The following SLC25A48 variants were observed in gnomAD, a reference collection of about 807,000 sequenced individuals.
The protein encoded by SLC25A48 is CTC-321K16.1.
Under a neutral mutation model 32.2 loss-of-function variants are expected in SLC25A48, and 29 were observed. The observed-to-expected ratio is 0.90, with a 90% confidence interval of 0.67 to 1.23. SLC25A48 has a LOEUF of 1.23. Ranked by LOEUF, SLC25A48 falls within the 50% of genes most tolerant of loss-of-function variation. The pLI is 0.00. For missense variants in SLC25A48, 399 were observed against 422.7 expected, an observed-to-expected ratio of 0.94 and a Z score of 0.49; for synonymous variants, 164 against 172.3, an observed-to-expected ratio of 0.95 and a Z score of 0.38.
intron 3 of SLC25A48, among the ~76,000 whole-genome samples, chr5:135,675,299 C>T (rs1035388169): frequency 9.9e-5 from 15 of 152,050 alleles, no homozygotes; most frequent in African/African-American, 3.4e-4. Flanking sequence ...CAAGTTGTCT[C>T]TTTACTCTGT....
At chr5:135,757,284 C>T (rs1396845610) in intron 3 of SLC25A48, among the ~76,000 whole-genome samples, 1 of 149,450 alleles carries the variant, frequency 6.7e-6, no homozygotes, top group African/African-American at 2.4e-5. Flanking sequence ...TTTATAATGA[C>T]TAGTGTTAAC....
intron 4 of SLC25A48, among the ~76,000 whole-genome samples, chr5:135,866,064 G>A (rs1761178197): frequency 6.6e-6 from 1 of 152,184 alleles, no homozygotes; most frequent in Non-Finnish European, 1.5e-5. Flanking sequence ...TACTGGAATA[G>A]AACCCTCGTG....
chr5:135,750,226 T>A (rs1755737066), intron 3 of SLC25A48, among the ~76,000 whole-genome samples: 1 of 152,190 alleles, frequency 6.6e-6, no homozygotes, highest in Non-Finnish European at 1.5e-5. Context: ...CCTTGCTTAG[T>A]TTTCTCCATT....
chr5:135,776,930 AG>A (rs535615115), intron 3 of SLC25A48, among the ~76,000 whole-genome samples: 2 of 151,994 alleles, frequency 1.3e-5, no homozygotes, highest in South Asian at 4.1e-4. Context: ...GGGGCTGCAC[AG>A]GCTCCCTGTG....
chr5:135,600,826 G>A (rs1311020209), intron 1 of SLC25A48, among the ~76,000 whole-genome samples: 1 of 150,594 alleles, frequency 6.6e-6, no homozygotes. Context: ...GGGACTACAG[G>A]TACGTGCCAC....
At chr5:135,667,188 C>G (rs915510873) in intron 3 of SLC25A48, among the ~76,000 whole-genome samples, 2 of 152,104 alleles carry the variant, frequency 1.3e-5, no homozygotes, top group African/African-American at 4.8e-5. Context: ...TGTGCCTGTA[C>G]CTATGCATCT....
intron 3 of SLC25A48, among the ~76,000 whole-genome samples, chr5:135,777,750 G>A (rs1756603768): frequency 6.8e-6 from 1 of 147,590 alleles, no homozygotes; most frequent in Non-Finnish European, 1.5e-5. Context: ...ACCGAATGAT[G>A]TGTACAACCC....
intron 1 of SLC25A48, among the ~76,000 whole-genome samples, chr5:135,614,594 A>T (rs566202607): frequency 6.6e-6 from 1 of 152,188 alleles, no homozygotes; most frequent in African/African-American, 2.4e-5. Context: ...TTATCCATGA[A>T]GGGATGTTGA....
At chr5:135,763,443 C>T (rs966645793) in intron 3 of SLC25A48, among the ~76,000 whole-genome samples, 10 of 152,232 alleles carry the variant, frequency 6.6e-5, no homozygotes, top group African/African-American at 2.4e-4. Flanking sequence ...CCAGCACCCT[C>T]CAGCCAGCCC....
At chr5:135,827,986 C>T (rs1244633337) in intron 4 of SLC25A48, among the ~76,000 whole-genome samples, 1 of 152,208 alleles carries the variant, frequency 6.6e-6, no homozygotes, top group East Asian at 1.9e-4. Flanking sequence ...GAGCCATGTC[C>T]CCTCCTCTCT....
At chr5:135,583,127 C>T (rs1415145612) in intron 1 of SLC25A48, among the ~76,000 whole-genome samples, 2 of 151,964 alleles carry the variant, frequency 1.3e-5, no homozygotes, top group African/African-American at 4.8e-5. Flanking sequence ...TGTGAGAGTA[C>T]TGCTGAATCC....
Position 135,623,623 on chromosome 5 carries a change from C to T in SLC25A48, c.-848-5614C>T, listed in dbSNP as rs79080321. Among the ~76,000 whole-genome samples the T allele has an allele frequency of 9.1e-4, 139 of 152,312 alleles. 2 individuals carry two copies. In the East Asian group the frequency reaches 0.023, roughly 26 times the overall value. The stretch of plus-strand genomic sequence containing the variant: ...GCCTCAGGCTGCCCTTCTATAAACA[C>T]GTTCCCCATTGGTAATAGTACCTTA... On this transcript the variant is annotated intron_variant, in intron 1 of 10. Coordinates refer to the SLC25A48 transcript ENST00000646290.
At chr5:135,696,304 G>A (rs746444886) in intron 3 of SLC25A48, among the ~76,000 whole-genome samples, 7 of 152,180 alleles carry the variant, frequency 4.6e-5, no homozygotes, top group South Asian at 2.1e-4. Flanking sequence ...GGGGACATGC[G>A]TCATCTAGGG....
At chr5:135,773,790 A>G (rs7379100) in intron 3 of SLC25A48, among the ~76,000 whole-genome samples, 114,580 of 150,940 alleles carry the variant, frequency 0.76, 44,034 homozygotes, top group Middle Eastern at 0.87. Flanking sequence ...TCCCAATATC[A>G]CAGGGGGTGT....
At chr5:135,851,397 T>C (rs574023218) in intron 3 of SLC25A48, among the ~76,000 whole-genome samples, 8 of 152,208 alleles carry the variant, frequency 5.3e-5, no homozygotes, top group Admixed American at 5.2e-4. Flanking sequence ...CGGCTGTTGA[T>C]TCTCCTTTTG....
chr5:135,850,345 C>A, intron 2 of SLC25A48, 80 bp from the exon 3 acceptor site: 1 of 1,426,188 alleles, frequency 7.0e-7, no homozygotes, highest in Non-Finnish European at 9.9e-7. Flanking sequence ...ATGAGCAGGG[C>A]CTTTCCCTCT....
At chr5:135,699,881 A>C (rs775365516) in intron 3 of SLC25A48, among the ~76,000 whole-genome samples, 21 of 152,170 alleles carry the variant, frequency 1.4e-4, no homozygotes, top group Admixed American at 9.2e-4. Flanking sequence ...GCTCCCTGAA[A>C]GCTTGTATCA....
intron 1 of SLC25A48, among the ~76,000 whole-genome samples, chr5:135,616,799 T>C (rs1255420025): frequency 6.6e-6 from 1 of 152,190 alleles, no homozygotes; most frequent in East Asian, 1.9e-4. Context: ...TTTGGATTTG[T>C]GGGAGAACGA....
At chr5:135,697,581 C>G (rs1754297755) in intron 3 of SLC25A48, among the ~76,000 whole-genome samples, 1 of 152,136 alleles carries the variant, frequency 6.6e-6, no homozygotes, top group Non-Finnish European at 1.5e-5. Flanking sequence ...TCTGTGAGCC[C>G]CAACTGCACA....
Sources: gnomAD v4.1 joint callset for allele counts (sites outside exome capture counted in the v4.1 genomes callset) on GRCh38, gnomAD v4.1.1 for gene constraint, MANE v1.5 for transcripts, NCBI Gene and HGNC (gene_info 2026-07-23, HGNC 2026-07-21) for gene names.